The following VIT variants were observed in gnomAD, a reference collection of about 807,000 sequenced individuals.
VIT encodes the protein vitrin.
In VIT, 99 loss-of-function variants were observed where a neutral mutation model predicts 78.0. That is an observed-to-expected ratio of 1.27 (90% CI 1.08 to 1.50). VIT has a LOEUF of 1.50. Ranked by LOEUF, VIT falls within the 40% of genes most tolerant of loss-of-function variation. VIT has a pLI of 0.00. For synonymous variants in VIT, 374 were observed against 334.3 expected, an observed-to-expected ratio of 1.12 and a Z score of -1.29; for missense variants, 1,126 against 875.3, an observed-to-expected ratio of 1.29 and a Z score of -3.61.
At chr2:36,787,699 C>A in intron 12 of VIT, 1 of 356,534 alleles carries the variant, frequency 2.8e-6, no homozygotes, top group Non-Finnish European at 5.5e-6. Context: ...GGGACTCCAC[C>A]CTGTGCTACA....
chr2:36,708,236 C>T (rs1016370545), intron 1 of VIT, among the ~76,000 whole-genome samples: 26 of 152,018 alleles, frequency 1.7e-4, no homozygotes, highest in African/African-American at 5.1e-4. Flanking sequence ...GCAGATGTGG[C>T]CTCTCCCCAT....
intron 1 of VIT, among the ~76,000 whole-genome samples, chr2:36,699,591 TATAGATATAG>T (rs1664901788): frequency 1.9e-4 from 27 of 140,548 alleles, no homozygotes; most frequent in Admixed American, 1.8e-3. Flanking sequence ...AGATTATAGA[TATAGATATAG>T]ATATAGATAT....
intron 1 of VIT, among the ~76,000 whole-genome samples, chr2:36,713,431 G>A (rs945562118): frequency 6.6e-6 from 1 of 152,172 alleles, no homozygotes; most frequent in Non-Finnish European, 1.5e-5. Context: ...AATCAAGCAG[G>A]GTCTTGAGCC....
At chr2:36,704,723 G>A (rs1186073076) in intron 1 of VIT, among the ~76,000 whole-genome samples, 3 of 152,110 alleles carry the variant, frequency 2.0e-5, no homozygotes, top group African/African-American at 7.2e-5. Flanking sequence ...TCTGGTTGCT[G>A]GGATTCAAGA....
chr2:36,734,801 GC>G (rs1010119895), intron 3 of VIT, among the ~76,000 whole-genome samples: 1 of 151,916 alleles, frequency 6.6e-6, no homozygotes, highest in African/African-American at 2.4e-5. Context: ...GGGCTCCAGT[GC>G]CCCCCATGGA....
At chr2:36,727,929 G>C (rs1445607326) in intron 2 of VIT, among the ~76,000 whole-genome samples, 1 of 150,978 alleles carries the variant, frequency 6.6e-6, no homozygotes, top group South Asian at 2.1e-4. Context: ...TTGCTGGCGT[G>C]TGTGTTTTCT....
chr2:36,809,060 G>C (rs189954934), intron 15 of VIT, 75 bp downstream of exon 15: 2 of 1,504,502 alleles, frequency 1.3e-6, no homozygotes, highest in East Asian at 2.3e-5. Context: ...GACAAGGAAG[G>C]TATTGTCTTT....
intron 12 of VIT, among the ~76,000 whole-genome samples, chr2:36,787,533 G>T (rs1467187479): frequency 6.6e-6 from 1 of 152,248 alleles, no homozygotes; most frequent in African/African-American, 2.4e-5. Flanking sequence ...ATATTTATTT[G>T]TCTGGAAAAC....
At position 36,787,032 on chromosome 2, in the gene VIT, T is replaced by A. The variant is rs566260119; in HGVS notation, c.911-97T>A. 2.0e-5 allele frequency: 30 copies of A among 1,477,338 alleles called. 1 individual carries two copies. In the South Asian group the frequency reaches 3.6e-4, roughly 18 times the overall value. 91.5% of individuals were successfully genotyped at this position (1,477,338 alleles called of 1,614,324 possible). On this transcript the variant is annotated intron_variant, in intron 11 of 15. Coordinates refer to ENST00000379242, the MANE Select transcript of VIT (RefSeq NM_053276.4). ...ACCTCTTTTTCCCTTTCTTTTCATT[T>A]CTCAGGGGGCTCTGATGGAGAAAGA...
chr2:36,808,546 T>A lies in VIT; in HGVS notation c.1464T>A (p.Pro488=). Residue 488 remains proline, a synonymous_variant, in exon 15 of 16, where the codon CCT becomes CCA. Transcript: ENST00000379242. ...SWFGLHKTLQ[P]LVKRVCDTDR... ...TTGGCCTCCACAAGACCCTGCAGCC[T>A]CTGGTGAAGCGGGTCTGCGACACTG... 2 of 1,614,094 alleles carry A rather than the reference T, an allele frequency of 1.2e-6. No individual in the cohort carries two copies. Among genetic ancestry groups the A allele is most frequent in the South Asian group, 2.2e-5 (2 of 91,082 alleles).
chr2:36,734,291 C>T (rs1250633623), intron 3 of VIT, among the ~76,000 whole-genome samples: 2 of 152,200 alleles, frequency 1.3e-5, no homozygotes, highest in African/African-American at 2.4e-5. Context: ...TAGAAGCTCT[C>T]AGTTTTCACC....
At position 36,707,690 on chromosome 2, in the gene VIT, C is replaced by T. The variant is rs143678041; in HGVS notation, c.-18-8663C>T. 4.3e-4 allele frequency among the ~76,000 whole-genome samples: 65 copies of T among 152,266 alleles called. No homozygotes were observed. In the East Asian group the frequency reaches 9.9e-3, roughly 23 times the overall value. ...CTGTTAGGAAGGAGGAAGGGGAAAACGATGCTCTGCGTAGGCCACCAACAG... is the reference window on the plus strand; with the variant it reads ...CTGTTAGGAAGGAGGAAGGGGAAAATGATGCTCTGCGTAGGCCACCAACAG... On this transcript the variant is annotated intron_variant, in intron 1 of 15. Transcript: ENST00000379242.
intron 4 of VIT, among the ~76,000 whole-genome samples, chr2:36,749,553 T>A (rs551977178): frequency 1.3e-5 from 2 of 152,366 alleles, no homozygotes; most frequent in Admixed American, 1.3e-4. Flanking sequence ...CAATAATTCC[T>A]CTGTGCAGTT....
In VIT at chr2:36,800,949, C is replaced by T. The variant is rs1282922110; in HGVS notation, c.1059-352C>T. ...GGGTAGGCTGAGAACGCTGAGCACT[C>T]CACAGATGGGATCCTGACATTTGCA... On this transcript the variant is annotated intron_variant, in intron 12 of 15. Coordinates refer to ENST00000379242, the MANE Select transcript of VIT (RefSeq NM_053276.4). Among the ~76,000 whole-genome samples, 3 of 152,134 alleles carry T rather than the reference C, an allele frequency of 2.0e-5. No homozygotes were observed. In the East Asian group the frequency reaches 5.8e-4, roughly 29 times the overall value.
rs368631082 is a variant in VIT, at chr2:36,755,266, A to G, written c.409+212A>G. Among the ~76,000 whole-genome samples, 49 of 152,330 alleles carry G rather than the reference A, an allele frequency of 3.2e-4. No homozygotes were observed. In the South Asian group the frequency reaches 5.6e-3, roughly 17 times the overall value. ...ATCTGAAAATACTAAAAGGCTCCAC[A>G]TGCTTGTTTTAATTACACTGCAGTT... On this transcript the variant is annotated intron_variant, in intron 5 of 15. Transcript: ENST00000379242.
intron 15 of VIT, among the ~76,000 whole-genome samples, chr2:36,811,892 T>C (rs775301839): frequency 1.3e-5 from 2 of 152,130 alleles, no homozygotes; most frequent in African/African-American, 4.8e-5. Context: ...GCTAGGCTGG[T>C]CTTGAACTCC....
At chr2:36,797,404 G>A (rs1418025039) in intron 12 of VIT, among the ~76,000 whole-genome samples, 4 of 152,158 alleles carry the variant, frequency 2.6e-5, no homozygotes, top group Admixed American at 6.5e-5. Context: ...ACTTGGGGAC[G>A]GAAAGGATGG....
chr2:36,781,825 G>A, intron 10 of VIT, 54 bp downstream of exon 10: 1 of 1,600,020 alleles, frequency 6.2e-7, no homozygotes, highest in Non-Finnish European at 8.6e-7. Context: ...GCGCAGGATA[G>A]CAGAACTAAG....
chr2:36,781,124 C>G (rs539597380), intron 9 of VIT, among the ~76,000 whole-genome samples: 2 of 152,144 alleles, frequency 1.3e-5, no homozygotes, highest in Non-Finnish European at 2.9e-5. Flanking sequence ...AGCAGAATCT[C>G]GGGAAATAAG....
Sources: gnomAD v4.1 joint callset for allele counts (sites outside exome capture counted in the v4.1 genomes callset) on GRCh38, gnomAD v4.1.1 for gene constraint, MANE v1.5 for transcripts, NCBI Gene and HGNC (gene_info 2026-07-23, HGNC 2026-07-21) for gene names.